Variants in TRPM8 observed in about 807,000 individuals in gnomAD.
TRPM8 encodes the protein transient receptor potential cation channel subfamily M member 8, also known as TRPM8 cationic channel.
TRPM8 carries 110 observed loss-of-function variants against 133.7 expected under a neutral mutation model. The observed-to-expected ratio is 0.82, with a 90% CI of 0.70 to 0.96. The LOEUF (loss-of-function observed/expected upper bound fraction) is 0.96. Among genes scored for constraint, TRPM8 ranks in the 40% least tolerant of loss-of-function variants. TRPM8 has a pLI of 0.00. For missense variants in TRPM8, 1,291 were observed against 1,379.5 expected, an observed-to-expected ratio of 0.94 and a Z score of 1.02; for synonymous variants, 535 against 532.3, an observed-to-expected ratio of 1.01 and a Z score of -0.07.
chr2:233,973,787 G>C (rs927797687), intron 17 of TRPM8, among the ~76,000 whole-genome samples: 1 of 152,214 alleles, frequency 6.6e-6, no homozygotes, highest in African/African-American at 2.4e-5. Context: ...CTGTTTGAGG[G>C]AAGCAGAGAA....
rs576894686 is a variant in TRPM8 at position 233,951,410 on chromosome 2, G to A, written c.1140+1264G>A. Among the ~76,000 whole-genome samples, 20 of 151,952 alleles carry A rather than the reference G, an allele frequency of 1.3e-4. No homozygotes were observed. The South Asian group carries it at 2.3e-3, about 17-fold the overall frequency. Reference sequence around the variant, plus strand: ...CAGGGATCCCCATAGAGGAAGAAACGGATGACTCTTAATTTATTCACCAAA... The same window carrying A: ...CAGGGATCCCCATAGAGGAAGAAACAGATGACTCTTAATTTATTCACCAAA... On this transcript the variant is annotated intron_variant, in intron 9 of 25. Coordinates refer to ENST00000324695, the MANE Select transcript of TRPM8 (RefSeq NM_024080.5).
intron 8 of TRPM8, chr2:233,947,602 T>C: frequency 7.8e-7 from 1 of 1,290,254 alleles, no homozygotes; most frequent in South Asian, 1.2e-5. Flanking sequence ...ATGATGGAAT[T>C]CCAAACCCTA....
intron 24 of TRPM8, among the ~76,000 whole-genome samples, chr2:234,010,179 A>T (rs1179591311): frequency 6.6e-6 from 1 of 152,090 alleles, no homozygotes; most frequent in Non-Finnish European, 1.5e-5. Context: ...CTACTCTCTG[A>T]CTTGATGAGT....
At chr2:233,970,595 T>G in intron 17 of TRPM8, 169 bp downstream of exon 17, 3 of 637,760 alleles carry the variant, frequency 4.7e-6, no homozygotes, top group Non-Finnish European at 8.2e-6. Flanking sequence ...TTTCATACCC[T>G]TAGTAATTCA....
chr2:233,943,247 C>T (rs923032498), intron 6 of TRPM8, among the ~76,000 whole-genome samples: 1 of 151,990 alleles, frequency 6.6e-6, no homozygotes, highest in Non-Finnish European at 1.5e-5. Flanking sequence ...TCTCCTAATG[C>T]TATCCCTCCC....
At chr2:233,992,590 C>T (rs946622693) in intron 21 of TRPM8, among the ~76,000 whole-genome samples, 1 of 152,188 alleles carries the variant, frequency 6.6e-6, no homozygotes, top group Non-Finnish European at 1.5e-5. Flanking sequence ...CTCCTCCTCT[C>T]CTGCTCAGCT....
rs1691542668 is a variant in TRPM8, at chr2:233,927,494, T to C, written c.117+840T>C. On this transcript the variant is annotated intron_variant, in intron 2 of 25. Transcript: ENST00000324695. ...GGGCTGCCCCTGCACTTGCATGCCT[T>C]GGGGGACTGAGCACCTCCTTGCACT... Among the ~76,000 whole-genome samples, 3 of 152,248 alleles carry C rather than the reference T, an allele frequency of 2.0e-5. No homozygotes were observed. In the South Asian group the frequency reaches 6.2e-4, roughly 32 times the overall value.
Position 233,964,717 on chromosome 2 carries a change from G to A in TRPM8, c.1839G>A (p.Glu613=). The A allele has an allele frequency of 1.2e-6, 2 of 1,613,068 alleles. No homozygotes were observed. The highest frequency in any genetic ancestry group is 8.5e-7 in the Non-Finnish European group (1 of 1,179,252). The change falls in exon 14 of 26, where the codon GAG becomes GAA. Residue 613 remains glutamate, a synonymous_variant. Coordinates refer to ENST00000324695, the MANE Select transcript of TRPM8 (RefSeq NM_024080.5). Reference sequence around the variant, plus strand: ...AGAACGACATCAATGCTGCTGGGGAGTCCGAGGAGCTGGCTAATGAGTACG... The same window carrying A: ...AGAACGACATCAATGCTGCTGGGGAATCCGAGGAGCTGGCTAATGAGTACG... The part of the protein sequence containing the change: ...KVKNDINAAG[E]SEELANEYET...
intron 17 of TRPM8, among the ~76,000 whole-genome samples, chr2:233,978,949 A>G (rs17868395): frequency 4.6e-5 from 7 of 152,330 alleles, no homozygotes; most frequent in Non-Finnish European, 7.3e-5. Context: ...AATCCCTTCC[A>G]CATCTGAGAC....
At chr2:234,008,019 C>T in intron 23 of TRPM8, 51 bp from the exon 24 acceptor site, 1 of 1,583,274 alleles carries the variant, frequency 6.3e-7, no homozygotes, top group Non-Finnish European at 8.6e-7. Flanking sequence ...ATAGCCCTCT[C>T]TCAATCTGTT....
chr2:233,976,155 G>T (rs28902196), intron 17 of TRPM8, among the ~76,000 whole-genome samples: 2 of 152,200 alleles, frequency 1.3e-5, no homozygotes, highest in Admixed American at 6.5e-5. Flanking sequence ...CCCCTATGGA[G>T]CATTCTACCA....
At position 233,966,785 on chromosome 2, in the gene TRPM8, G is replaced by A. The variant is rs180878433; in HGVS notation, c.2025+30G>A. ...ACCATACTCAGCCACCAGACCACAC[G>A]GCCAGAAATGGGGCTTTTATGTCAG... is the stretch of plus-strand genomic sequence containing the variant. On this transcript the variant is annotated intron_variant, in intron 15 of 25. Transcript: ENST00000324695. 2.8e-3 allele frequency: 4,143 copies of A among 1,489,688 alleles called. 7 individuals are homozygous for A. The highest frequency in any genetic ancestry group is 3.5e-3 in the Admixed American group (147 of 42,048). 92.3% of individuals were successfully genotyped at this position (1,489,688 alleles called of 1,614,324 possible). A position where few individuals can be genotyped will look rare whatever the true frequency, so the allele number is the denominator to read the frequency against.
At chr2:233,987,157 C>T (rs946426855) in intron 21 of TRPM8, among the ~76,000 whole-genome samples, 6 of 152,202 alleles carry the variant, frequency 3.9e-5, no homozygotes, top group Non-Finnish European at 5.9e-5. Context: ...ATGTCTATCA[C>T]TAGGGAGAGG....
chr2:233,972,542 G>A (rs1163520100), intron 17 of TRPM8, among the ~76,000 whole-genome samples: 2 of 152,214 alleles, frequency 1.3e-5, no homozygotes, highest in African/African-American at 2.4e-5. Flanking sequence ...GAGGAGGCTC[G>A]GGCAGCACAG....
At chr2:233,932,928 G>T (rs1261932150) in intron 3 of TRPM8, among the ~76,000 whole-genome samples, 1 of 149,110 alleles carries the variant, frequency 6.7e-6, no homozygotes, top group Admixed American at 6.8e-5. Flanking sequence ...GACCTAAGCT[G>T]CCAAAGTCTC....
intron 9 of TRPM8, among the ~76,000 whole-genome samples, chr2:233,951,822 C>T (rs1691178038): frequency 6.6e-6 from 1 of 152,154 alleles, no homozygotes; most frequent in Non-Finnish European, 1.5e-5. Flanking sequence ...AAAGACCAAG[C>T]TCAAGAGTGG....
rs1402711095 is a variant in TRPM8, at chr2:233,947,290, A to G, written c.942+135A>G. 1.9e-6 allele frequency: 3 copies of G among 1,550,084 alleles called. No individual in the cohort carries two copies. In the Admixed American group the frequency reaches 5.9e-5, roughly 30 times the overall value. On this transcript the variant is annotated intron_variant, in intron 8 of 25. Transcript: ENST00000324695. Reference sequence around the variant, plus strand: ...CAAGTAGGTAGTGTTTTCCCTCCACATACTGTTCCCCTAACAGACTCCGGT... The same window carrying G: ...CAAGTAGGTAGTGTTTTCCCTCCACGTACTGTTCCCCTAACAGACTCCGGT...
chr2:234,014,648 T>C lies in TRPM8; in HGVS notation c.*36T>C, dbSNP rs749950417. On this transcript the variant is annotated 3_prime_UTR_variant, in exon 25 of 26. Transcript: ENST00000324695. ...ACTCTAATGGAGAAAAATCTAATTA[T>C]AGCAAGGTGAGTCATTCTAATAGCT... The C allele has an allele frequency of 3.3e-6, 4 of 1,210,846 alleles. No individual in the cohort carries two copies. The Admixed American group carries it at 1.0e-4, about 31-fold the overall frequency. The allele number at this position is 1,210,846 out of a possible 1,614,324, so 75.0% of individuals were successfully genotyped here. A position where few individuals can be genotyped will look rare whatever the true frequency, so the allele number is the denominator to read the frequency against.
chr2:233,969,570 A>G, intron 15 of TRPM8, 125 bp from the exon 16 acceptor site: 1 of 661,228 alleles, frequency 1.5e-6, no homozygotes, highest in Non-Finnish European at 2.7e-6. Context: ...ATAAAAGAAT[A>G]ATGACATTAA....
Sources: gnomAD v4.1 joint callset for allele counts (sites outside exome capture counted in the v4.1 genomes callset) on GRCh38, gnomAD v4.1.1 for gene constraint, MANE v1.5 for transcripts, NCBI Gene and HGNC (gene_info 2026-07-23, HGNC 2026-07-21) for gene names.